Variants in SNAP23 observed in about 807,000 individuals in gnomAD.
SNAP23 encodes the protein synaptosome associated protein 23.
Under a neutral mutation model 29.0 loss-of-function variants are expected in SNAP23, and 11 were observed. The ratio of observed to expected loss-of-function variants is 0.38; its 90% confidence interval spans 0.24 to 0.63. SNAP23 has a LOEUF of 0.63. Ranked by LOEUF, SNAP23 falls within the 20% of genes least tolerant of loss-of-function variation. SNAP23 has a pLI of 0.58. For synonymous variants in SNAP23, 60 were observed against 82.9 expected (o/e 0.72, Z 1.50); for missense variants, 220 against 253.9 (o/e 0.87, Z 0.91).
chr15:42,504,084 C>T lies in SNAP23; in HGVS notation c.-14-7749C>T, dbSNP rs886685658. ...GTGGCTCATACATGTAATCCCAGCACTTTGGGAGGCTGAGCCAGGAGCATC... is the reference window on the plus strand; with the variant it reads ...GTGGCTCATACATGTAATCCCAGCATTTTGGGAGGCTGAGCCAGGAGCATC... On this transcript the variant is annotated intron_variant, in intron 1 of 7. Transcript: ENST00000249647. 3.3e-5 allele frequency among the ~76,000 whole-genome samples: 5 copies of T among 151,730 alleles called. No individual in the cohort carries two copies. In the East Asian group the frequency reaches 9.8e-4, roughly 30 times the overall value.
At chr15:42,518,247 C>G (rs1258093549) in intron 5 of SNAP23, among the ~76,000 whole-genome samples, 1 of 152,082 alleles carries the variant, frequency 6.6e-6, no homozygotes, top group Non-Finnish European at 1.5e-5. Flanking sequence ...TCTTTCTAAT[C>G]TGCTAGTCTG....
rs2057577787 is a variant in SNAP23 at position 42,532,643 on chromosome 15, T to A, written c.*1165T>A. On this transcript the variant is annotated 3_prime_UTR_variant, in exon 8 of 8. Transcript: ENST00000249647. Reference sequence around the variant, plus strand: ...TCTCTAAAGCAGGGCTTAAAATTTTTTGGAAAAGTTTGACAAAGCATACCA... The same window carrying A: ...TCTCTAAAGCAGGGCTTAAAATTTTATGGAAAAGTTTGACAAAGCATACCA... The A allele has an allele frequency of 6.6e-6, 1 of 152,638 alleles. No homozygotes were observed. Among genetic ancestry groups the A allele is most frequent in the African/African-American group, 2.4e-5 (1 of 41,448 alleles). The allele number at this position is 152,638 out of a possible 1,614,324, so 9.5% of individuals were successfully genotyped here.
chr15:42,508,524 T>G (rs1197345530), intron 1 of SNAP23, among the ~76,000 whole-genome samples: 1 of 152,142 alleles, frequency 6.6e-6, no homozygotes, highest in Non-Finnish European at 1.5e-5. Flanking sequence ...TTACTTGTCT[T>G]GCGTGTTGTC....
Position 42,510,918 on chromosome 15 carries a change from A to G in SNAP23, c.-14-915A>G, listed in dbSNP as rs934864730. On this transcript the variant is annotated intron_variant, in intron 1 of 7. Coordinates refer to ENST00000249647, the MANE Select transcript of SNAP23 (RefSeq NM_003825.4). ...TTGTGACAATCAAGCAACTCCAGAC[A>G]TTGCCAGATTCCTGGGGTCAAATCT... Among the ~76,000 whole-genome samples, 3 of 152,164 alleles carry G rather than the reference A, an allele frequency of 2.0e-5. No individual in the cohort carries two copies. In the South Asian group the frequency reaches 6.2e-4, roughly 32 times the overall value.
At chr15:42,508,664 T>G (rs1595519504) in intron 1 of SNAP23, among the ~76,000 whole-genome samples, 1 of 152,226 alleles carries the variant, frequency 6.6e-6, no homozygotes, top group South Asian at 2.1e-4. Context: ...ATATCTGCTT[T>G]CTTTTTTCTT....
intron 7 of SNAP23, 73 bp from the exon 8 acceptor site, chr15:42,531,340 C>T: frequency 2.0e-6 from 2 of 1,012,174 alleles, no homozygotes; most frequent in Non-Finnish European, 2.8e-6. Context: ...GTGTCAGTTA[C>T]TCCAAGTGTA....
intron 1 of SNAP23, among the ~76,000 whole-genome samples, chr15:42,507,448 T>A (rs996957885): frequency 6.6e-6 from 1 of 152,164 alleles, no homozygotes; most frequent in Non-Finnish European, 1.5e-5. Flanking sequence ...AGAAAAATCT[T>A]GCATTTTCCT....
At chr15:42,503,137 G>A (rs1042057435) in intron 1 of SNAP23, among the ~76,000 whole-genome samples, 2 of 152,070 alleles carry the variant, frequency 1.3e-5, no homozygotes, top group African/African-American at 4.8e-5. Flanking sequence ...TTGTTAATAT[G>A]ATTTCTGTCT....
intron 5 of SNAP23, chr15:42,521,872 T>C: frequency 2.5e-6 from 1 of 403,396 alleles, no homozygotes; most frequent in Non-Finnish European, 4.4e-6. Context: ...TATAATACCA[T>C]CCTTTGACAA....
chr15:42,502,029 T>G (rs1041732025), intron 1 of SNAP23, among the ~76,000 whole-genome samples: 1 of 147,592 alleles, frequency 6.8e-6, no homozygotes, highest in Non-Finnish European at 1.5e-5. Context: ...ATTCTCTCTT[T>G]TTTTTTTTTT....
At chr15:42,497,518 A>T (rs2057231639) in intron 1 of SNAP23, among the ~76,000 whole-genome samples, 1 of 150,862 alleles carries the variant, frequency 6.6e-6, no homozygotes, top group South Asian at 2.1e-4. Context: ...TAATTTTTGC[A>T]TTTTTTAGTA....
At chr15:42,514,907 G>T (rs2057386247) in intron 4 of SNAP23, among the ~76,000 whole-genome samples, 1 of 151,614 alleles carries the variant, frequency 6.6e-6, no homozygotes, top group African/African-American at 2.4e-5. Context: ...TCACCATGTT[G>T]GCCAGGCTGG....
At chr15:42,501,734 AATT>A (rs912953183) in intron 1 of SNAP23, among the ~76,000 whole-genome samples, 2 of 152,206 alleles carry the variant, frequency 1.3e-5, no homozygotes, top group African/African-American at 4.8e-5. Context: ...GATATTTCAT[AATT>A]ATTATGAAAA....
At chr15:42,527,765 C>T (rs1237370795) in intron 5 of SNAP23, among the ~76,000 whole-genome samples, 2 of 152,040 alleles carry the variant, frequency 1.3e-5, no homozygotes. Context: ...GGAGTACAGG[C>T]GTGAGCCACT....
chr15:42,531,279 C>T (rs986066200), intron 7 of SNAP23, 134 bp from the exon 8 acceptor site: 1 of 514,030 alleles, frequency 1.9e-6, no homozygotes, highest in Non-Finnish European at 3.4e-6. Flanking sequence ...ACTTCTTGCC[C>T]AACATGAGTT....
intron 1 of SNAP23, among the ~76,000 whole-genome samples, chr15:42,499,262 G>A (rs1030952331): frequency 1.3e-5 from 2 of 152,048 alleles, no homozygotes; most frequent in African/African-American, 2.4e-5. Context: ...GAGACGGACG[G>A]GGTTTCTCCA....
intron 5 of SNAP23, among the ~76,000 whole-genome samples, chr15:42,526,340 A>G (rs760692830): frequency 1.3e-5 from 2 of 152,210 alleles, no homozygotes; most frequent in Non-Finnish European, 2.9e-5. Flanking sequence ...TAATAAATAA[A>G]TGGGTTAATT....
chr15:42,499,479 G>T (rs895657354), intron 1 of SNAP23, among the ~76,000 whole-genome samples: 1 of 152,136 alleles, frequency 6.6e-6, no homozygotes, highest in South Asian at 2.1e-4. Flanking sequence ...TCACCTATGA[G>T]TCATACCACC....
At chr15:42,504,348 ATAAAG>A (rs1433105636) in intron 1 of SNAP23, among the ~76,000 whole-genome samples, 2 of 152,158 alleles carry the variant, frequency 1.3e-5, no homozygotes, top group Admixed American at 6.5e-5. Context: ...CTCAAATAAA[ATAAAG>A]TAAAATAAAA....
Sources: allele counts gnomAD v4.1 joint callset (sites outside exome capture counted in the v4.1 genomes callset), GRCh38; gene constraint gnomAD v4.1.1; transcripts MANE v1.5; gene names NCBI Gene and HGNC (gene_info 2026-07-23, HGNC 2026-07-21).